The following GRAMD1B variants were observed in gnomAD, a reference collection of about 807,000 sequenced individuals.
GRAMD1B encodes protein Aster-B.
Under a neutral mutation model 99.7 loss-of-function variants are expected in GRAMD1B, and 37 were observed. That is an observed-to-expected ratio of 0.37 (90% CI 0.29 to 0.49). The LOEUF (loss-of-function observed/expected upper bound fraction) is 0.49, where lower values mean the gene tolerates loss of function less well. Among genes scored for constraint, GRAMD1B ranks in the 20% least tolerant of loss-of-function variants. The pLI is 0.98. For missense variants in GRAMD1B, 888 were observed against 1,009.2 expected (o/e 0.88, Z 1.63); for synonymous variants, 427 against 387.6 (o/e 1.10, Z -1.19).
upstream of GRAMD1B, among the ~76,000 whole-genome samples, chr11:123,426,915 T>C (rs1178477653): frequency 3.9e-5 from 6 of 152,166 alleles, no homozygotes; most frequent in East Asian, 7.7e-4. Flanking sequence ...CTTGTGTCTG[T>C]AGGAAAAGGG....
intron 11 of GRAMD1B, chr11:123,608,225 T>C: frequency 2.2e-6 from 1 of 446,584 alleles, no homozygotes; most frequent in Non-Finnish European, 4.0e-6. Context: ...CTACGTTCCC[T>C]CGAACAGACC....
chr11:123,512,249 G>C (rs1453850437), intron 2 of GRAMD1B, among the ~76,000 whole-genome samples: 1 of 152,212 alleles, frequency 6.6e-6, no homozygotes, highest in African/African-American at 2.4e-5. Flanking sequence ...GCTGCTGTCT[G>C]TCTTCACCAG....
intron 1 of GRAMD1B, among the ~76,000 whole-genome samples, chr11:123,465,037 G>A (rs1950599003): frequency 6.6e-6 from 1 of 152,130 alleles, no homozygotes; most frequent in African/African-American, 2.4e-5. Flanking sequence ...AGCTGGATAT[G>A]GGGGACCGGA....
At chr11:123,612,940 G>A in intron 15 of GRAMD1B, 76 bp downstream of exon 15, 1 of 792,210 alleles carries the variant, frequency 1.3e-6, no homozygotes, top group South Asian at 1.6e-5. Context: ...CCATTCAGGG[G>A]AATGGTATTG....
Position 123,603,503 on chromosome 11 carries a change from G to A in GRAMD1B, c.1128G>A (p.Glu376=), listed in dbSNP as rs758355262. Residue 376 remains glutamate, a synonymous_variant, in exon 9 of 20, where the codon GAG becomes GAA. Coordinates refer to ENST00000635736, the MANE Select transcript of GRAMD1B (RefSeq NM_001387025.1). ...AATTGGGCCTGACCAGTGATGACGAGGACTACGTGCCCCCTGACGACGACT... is the reference window on the plus strand; with the variant it reads ...AATTGGGCCTGACCAGTGATGACGAAGACTACGTGCCCCCTGACGACGACT... The part of the protein sequence containing the change: ...GNELGLTSDD[E]DYVPPDDDFN... The A allele has an allele frequency of 1.9e-6, 3 of 1,613,498 alleles. No individual in the cohort carries two copies. In the South Asian group the frequency reaches 3.3e-5, roughly 18 times the overall value.
intron 1 of GRAMD1B, among the ~76,000 whole-genome samples, chr11:123,381,894 C>T (rs981634593): frequency 1.3e-5 from 2 of 152,102 alleles, no homozygotes; most frequent in Admixed American, 6.5e-5. Flanking sequence ...CAGCTAGGAC[C>T]GGAGGCTTGG....
At chr11:123,411,938 T>G (rs115018031) in intron 1 of GRAMD1B, among the ~76,000 whole-genome samples, 2,285 of 148,356 alleles carry the variant, frequency 0.015, 71 homozygotes, top group African/African-American at 0.057. Context: ...TAAAAATATT[T>G]TATTATTTTG....
rs564139860 is a variant in GRAMD1B, at chr11:123,462,026, G to A, written c.375-18790G>A. The stretch of plus-strand genomic sequence containing the variant: ...CTGTCGCCCAGGCTGGAGTGCAGTG[G>A]CACGGTCTTGGCTCACTGCAAGGTC... On this transcript the variant is annotated intron_variant, in intron 1 of 19. Coordinates refer to ENST00000635736, the MANE Select transcript of GRAMD1B (RefSeq NM_001387025.1). Among the ~76,000 whole-genome samples, 4 of 149,610 alleles carry A rather than the reference G, an allele frequency of 2.7e-5. No homozygotes were observed. The South Asian group carries it at 8.5e-4, about 32-fold the overall frequency.
chr11:123,566,172 C>T (rs1039703879), intron 2 of GRAMD1B, among the ~76,000 whole-genome samples: 1 of 152,176 alleles, frequency 6.6e-6, no homozygotes, highest in Non-Finnish European at 1.5e-5. Context: ...AGGATTCTCA[C>T]TCCAGGAAAA....
intron 2 of GRAMD1B, among the ~76,000 whole-genome samples, chr11:123,546,137 A>G (rs1945020956): frequency 1.3e-5 from 2 of 152,224 alleles, no homozygotes; most frequent in African/African-American, 4.8e-5. Flanking sequence ...ACATAAGTAC[A>G]AGGTATTATA....
At chr11:123,407,742 C>A (rs566987464) in intron 1 of GRAMD1B, among the ~76,000 whole-genome samples, 1 of 152,142 alleles carries the variant, frequency 6.6e-6, no homozygotes, top group Non-Finnish European at 1.5e-5. Flanking sequence ...CTGTCATCTC[C>A]CCAAATTAAA....
chr11:123,427,800 C>T (rs892848994), upstream of GRAMD1B, among the ~76,000 whole-genome samples: 5 of 152,156 alleles, frequency 3.3e-5, no homozygotes, highest in African/African-American at 1.2e-4. Flanking sequence ...TGGAGGTTTT[C>T]CCTCAGGCCG....
chr11:123,567,781 G>A (rs530279322), intron 2 of GRAMD1B, among the ~76,000 whole-genome samples: 10 of 152,310 alleles, frequency 6.6e-5, no homozygotes, highest in African/African-American at 2.2e-4. Context: ...CCTTGCCTGA[G>A]CAGGAAAGGC....
intron 1 of GRAMD1B, among the ~76,000 whole-genome samples, chr11:123,374,075 C>T (rs191570066): frequency 6.6e-6 from 1 of 152,166 alleles, no homozygotes; most frequent in East Asian, 1.9e-4. Flanking sequence ...ATCAATGGTA[C>T]CTATGGTTTG....
At chr11:123,564,128 CCTTAG>C (rs1427325497) in intron 2 of GRAMD1B, among the ~76,000 whole-genome samples, 2 of 152,188 alleles carry the variant, frequency 1.3e-5, no homozygotes, top group Non-Finnish European at 2.9e-5. Flanking sequence ...ACCTGCACAG[CCTTAG>C]TCTGACTGCC....
intron 4 of GRAMD1B, among the ~76,000 whole-genome samples, chr11:123,593,012 A>C (rs1036023977): frequency 6.6e-6 from 1 of 152,096 alleles, no homozygotes; most frequent in Admixed American, 6.5e-5. Context: ...TGGGTGGATC[A>C]CTTGAGGTCA....
rs752866227 is a variant in GRAMD1B, at chr11:123,603,476, C to T, written c.1101C>T (p.Asn367=). 73 of 1,613,650 alleles carry T rather than the reference C, an allele frequency of 4.5e-5. No individual in the cohort carries two copies. Among genetic ancestry groups the T allele is most frequent in the Non-Finnish European group, 5.4e-5 (64 of 1,179,662 alleles). ...ACTTTGTTCACCAGTGCTATGGGAA[C>T]GAATTGGGCCTGACCAGTGATGACG... ...LWHFVHQCYG[N]ELGLTSDDED... The change falls in exon 9 of 20, where the codon AAC becomes AAT. Residue 367 remains asparagine, a synonymous_variant. Transcript: ENST00000635736.
intron 1 of GRAMD1B, among the ~76,000 whole-genome samples, chr11:123,420,228 C>T (rs1948381906): frequency 6.6e-6 from 1 of 152,138 alleles, no homozygotes; most frequent in Admixed American, 6.5e-5. Flanking sequence ...CCTCTGCGGT[C>T]CAAAGTGCCT....
At chr11:123,478,314 A>G (rs1015541421) in intron 1 of GRAMD1B, among the ~76,000 whole-genome samples, 2 of 152,246 alleles carry the variant, frequency 1.3e-5, no homozygotes, top group African/African-American at 2.4e-5. Flanking sequence ...GCCTGGTTCC[A>G]TACTGTAGAC....
Sources: allele counts gnomAD v4.1 joint callset (sites outside exome capture counted in the v4.1 genomes callset), GRCh38; gene constraint gnomAD v4.1.1; transcripts MANE v1.5; gene names NCBI Gene and HGNC (gene_info 2026-07-23, HGNC 2026-07-21).